Variants in AMD1 observed in about 807,000 individuals in gnomAD.
AMD1 encodes S-adenosylmethionine decarboxylase proenzyme.
Under a neutral mutation model 40.2 loss-of-function variants are expected in AMD1, and 11 were observed. The ratio of observed to expected loss-of-function variants is 0.27; its 90% CI spans 0.17 to 0.45. The LOEUF (loss-of-function observed/expected upper bound fraction) is 0.45. Ranked by LOEUF, AMD1 falls within the 20% of genes least tolerant of loss-of-function variation. The probability of loss-of-function intolerance (pLI) is 1.00; values close to 1 mark genes in which losing one functional copy is unlikely to be tolerated. For synonymous variants in AMD1, 121 were observed against 130.8 expected (o/e 0.93, Z 0.51); for missense variants, 257 against 410.2 (o/e 0.63, Z 3.23).
At chr6:110,836,536 A>G in the AMD1 span, among the ~76,000 whole-genome samples, 1 of 152,196 alleles carries the variant, frequency 6.6e-6, no homozygotes, top group East Asian at 1.9e-4. Context: ...TATTTCCCAA[A>G]CATTTCTGAT....
chr6:110,863,934 C>CA, the AMD1 span: 4 of 482,202 alleles, frequency 8.3e-6, no homozygotes, highest in African/African-American at 6.1e-5. Flanking sequence ...ACATGAAGGC[C>CA]AAAAACAAAG....
At chr6:110,889,297 TGTC>T (rs965200653) in intron 3 of AMD1, 121 of 181,674 alleles carry the variant, frequency 6.7e-4, no homozygotes, top group African/African-American at 2.7e-3. Flanking sequence ...GCAAGAAAAA[TGTC>T]GTTACTGAAA....
At chr6:110,882,544 CAG>C (rs1785465528) in intron 1 of AMD1, among the ~76,000 whole-genome samples, 2 of 152,208 alleles carry the variant, frequency 1.3e-5, no homozygotes, top group South Asian at 2.1e-4. Flanking sequence ...TCAGCTGTTG[CAG>C]AGTTTTTCAC....
the AMD1 span, among the ~76,000 whole-genome samples, chr6:110,869,430 C>T: frequency 6.6e-6 from 1 of 152,098 alleles, no homozygotes; most frequent in African/African-American, 2.4e-5. Flanking sequence ...CCGCGCCCAG[C>T]CCATTACTTT....
In AMD1 at chr6:110,895,329, G is replaced by A. The variant is rs1480312207; in HGVS notation, c.*1713G>A. ...CAATCAGTGTGATCAGTTTGATTCT[G>A]TAATGAGCACAGCACCTAATATTTT... is the stretch of plus-strand genomic sequence containing the variant. On this transcript the variant is annotated 3_prime_UTR_variant, in exon 9 of 9. Transcript: ENST00000368885. 2 of 152,162 alleles carry A rather than the reference G, an allele frequency of 1.3e-5. No individual in the cohort carries two copies. Among genetic ancestry groups the A allele is most frequent in the African/African-American group, 2.4e-5 (1 of 41,454 alleles). The allele number at this position is 152,162 out of a possible 1,614,324, so 9.4% of individuals were successfully genotyped here.
intron 3 of AMD1, 117 bp downstream of exon 3, chr6:110,889,100 C>T (rs1032730127): frequency 1.1e-5 from 14 of 1,255,498 alleles, no homozygotes; most frequent in East Asian, 1.0e-4. Flanking sequence ...CATGCAAACA[C>T]GTGGTAAGGT....
the AMD1 span, among the ~76,000 whole-genome samples, chr6:110,842,016 T>A: frequency 6.6e-6 from 1 of 152,078 alleles, no homozygotes; most frequent in African/African-American, 2.4e-5. Flanking sequence ...TTGGCCAGGC[T>A]GGTCTCGAAA....
At chr6:110,858,002 C>T in the AMD1 span, among the ~76,000 whole-genome samples, 1,171 of 151,908 alleles carry the variant, frequency 7.7e-3, 16 homozygotes, top group African/African-American at 0.027. Flanking sequence ...GCCCCAATAA[C>T]TTATTATTTT....
chr6:110,875,836 C>T (rs1227878241), intron 1 of AMD1, among the ~76,000 whole-genome samples: 8 of 152,230 alleles, frequency 5.3e-5, no homozygotes, highest in African/African-American at 1.7e-4. Context: ...AGTTATGTCG[C>T]AGTGGCGGGG....
chr6:110,846,854 A>T, the AMD1 span, among the ~76,000 whole-genome samples: 1 of 151,916 alleles, frequency 6.6e-6, no homozygotes, highest in Non-Finnish European at 1.5e-5. Flanking sequence ...TGGGCAACAG[A>T]GCAAGACTCT....
In AMD1 at chr6:110,894,808, T is replaced by C. The variant is rs1460772330; in HGVS notation, c.*1192T>C. 2.6e-5 allele frequency: 4 copies of C among 152,170 alleles called. No individual in the cohort carries two copies. The East Asian group carries it at 7.7e-4, about 29-fold the overall frequency. The allele number at this position is 152,170 out of a possible 1,614,324, so 9.4% of individuals were successfully genotyped here. On this transcript the variant is annotated 3_prime_UTR_variant, in exon 9 of 9. Transcript: ENST00000368885. ...GTTCTGTGACTGTGATGCATGTGAG[T>C]GTTCCGACTTCATCTGTTCCTCTTA... is the stretch of plus-strand genomic sequence containing the variant.
intron 1 of AMD1, among the ~76,000 whole-genome samples, chr6:110,886,402 C>T (rs952782014): frequency 8.5e-5 from 13 of 152,146 alleles, no homozygotes; most frequent in African/African-American, 3.1e-4. Flanking sequence ...GGATTACAGG[C>T]GATTCTCCTG....
chr6:110,892,328 G>A lies in AMD1; in HGVS notation c.500G>A (p.Ser167Asn), dbSNP rs763093835. Reference protein sequence around the residue: ...WYLYTLDFPESRVISQPDQTL... With the variant: ...WYLYTLDFPENRVISQPDQTL... Reference sequence around the variant, plus strand: ...TTATATACTCTGGATTTCCCAGAGAGTCGGGTAATCAGTCAGCCAGATCAA... The same window carrying A: ...TTATATACTCTGGATTTCCCAGAGAATCGGGTAATCAGTCAGCCAGATCAA... The change falls in exon 6 of 9, where the codon AGT (serine) becomes AAT (asparagine). Residue 167 changes from serine (S) to asparagine (N), a missense_variant. This residue lies in a region of AMD1 where 192 missense variants were observed against 296.5 expected (regional missense o/e 0.65). Transcript: ENST00000368885. 1.4e-5 allele frequency: 22 copies of A among 1,613,560 alleles called. No homozygotes were observed. Among genetic ancestry groups the A allele is most frequent in the Non-Finnish European group, 1.7e-5 (20 of 1,180,032 alleles).
chr6:110,829,130 A>G, the AMD1 span, among the ~76,000 whole-genome samples: 1 of 151,882 alleles, frequency 6.6e-6, no homozygotes, highest in Admixed American at 6.6e-5. Context: ...AGATCACACC[A>G]TTGCACTCCA....
the AMD1 span, chr6:110,815,855 G>C: frequency 3.9e-5 from 6 of 152,492 alleles, no homozygotes; most frequent in Non-Finnish European, 8.8e-5. Flanking sequence ...GGGCTGGTGA[G>C]GACAGTTGTA....
rs1786165467 is a variant in AMD1 at position 110,893,697 on chromosome 6, C to A, written c.*81C>A. ...GCTTTCTAGATGTCGATGCTGGGGG[C>A]AGTGCTTTCCATAACCACCACTGTG... On this transcript the variant is annotated 3_prime_UTR_variant, in exon 9 of 9. Transcript: ENST00000368885. 6.8e-6 allele frequency: 10 copies of A among 1,472,472 alleles called. No individual in the cohort carries two copies. The highest frequency in any genetic ancestry group is 9.2e-6 in the Non-Finnish European group (10 of 1,084,714). The allele number at this position is 1,472,472 out of a possible 1,614,324, so 91.2% of individuals were successfully genotyped here. A position where few individuals can be genotyped will look rare whatever the true frequency, so the allele number is the denominator to read the frequency against.
Position 110,894,349 on chromosome 6 carries a change from G to C in AMD1, c.*733G>C, listed in dbSNP as rs1350721534. On this transcript the variant is annotated 3_prime_UTR_variant, in exon 9 of 9. Coordinates refer to ENST00000368885, the MANE Select transcript of AMD1 (RefSeq NM_001634.6). ...GTTTATATACTAATTCTATACCCCA[G>C]ATGGGGAATGGGGGAGATGGTCCCT... is the stretch of plus-strand genomic sequence containing the variant. The C allele has an allele frequency of 2.0e-5, 3 of 152,656 alleles. No individual in the cohort carries two copies. 9.5% of individuals were successfully genotyped at this position (152,656 alleles called of 1,614,324 possible).
At chr6:110,829,710 G>T in the AMD1 span, among the ~76,000 whole-genome samples, 1 of 151,684 alleles carries the variant, frequency 6.6e-6, no homozygotes, top group Non-Finnish European at 1.5e-5. Flanking sequence ...ACCAGGCATG[G>T]TGGCACGAGC....
the AMD1 span, chr6:110,814,776 G>C: frequency 9.0e-6 from 6 of 666,448 alleles, no homozygotes; most frequent in South Asian, 9.1e-5. Flanking sequence ...TCTGGGACGG[G>C]ACCGACGCCT....
Sources: gnomAD v4.1 joint callset for allele counts (sites outside exome capture counted in the v4.1 genomes callset) on GRCh38, gnomAD v4.1.1 for gene constraint, gnomAD v4.1.1 regional missense constraint, MANE v1.5 for transcripts, NCBI Gene and HGNC (gene_info 2026-07-23, HGNC 2026-07-21) for gene names.